Variants in NHERF1 observed in about 807,000 individuals in gnomAD.
NHERF1 encodes the protein NHERF family PDZ scaffold protein 1, also known as Na(+)/H(+) exchange regulatory cofactor NHE-RF1.
At chr17:74,766,451 C>G in the NHERF1 span, among the ~76,000 whole-genome samples, 1 of 152,096 alleles carries the variant, frequency 6.6e-6, no homozygotes, top group Non-Finnish European at 1.5e-5. Flanking sequence ...GATCCAGGTG[C>G]CTCGGCCTCC....
the NHERF1 span, chr17:74,763,157 A>T: frequency 3.7e-6 from 2 of 533,950 alleles, no homozygotes; most frequent in Admixed American, 6.6e-5. Context: ...GGCCCTTCCC[A>T]TGTATCCTGC....
At chr17:74,768,518 T>C in the NHERF1 span, 2 of 1,614,000 alleles carry the variant, frequency 1.2e-6, no homozygotes, top group East Asian at 2.2e-5. Context: ...CGCCCTCGTC[T>C]ACCTCCTCCT....
At chr17:74,754,265 T>C in the NHERF1 span, among the ~76,000 whole-genome samples, 1 of 152,222 alleles carries the variant, frequency 6.6e-6, no homozygotes, top group South Asian at 2.1e-4. Context: ...ATAACAAATG[T>C]TCCTCTGTTT....
the NHERF1 span, chr17:74,763,397 C>T: frequency 1.2e-6 from 2 of 1,614,116 alleles, no homozygotes; most frequent in South Asian, 1.1e-5. Context: ...GGGGAAGCAG[C>T]ATGGGGACGT....
the NHERF1 span, chr17:74,768,583 A>G: frequency 6.2e-7 from 1 of 1,614,060 alleles, no homozygotes; most frequent in East Asian, 2.2e-5. Context: ...GAGAGGGCCC[A>G]CCAGAAACGC....
chr17:74,748,990 C>A, the NHERF1 span: 2 of 1,608,784 alleles, frequency 1.2e-6, no homozygotes, highest in Non-Finnish European at 1.7e-6. This position sits in a 1 kb window ranked among gnomAD's most constrained non-coding sequence, Gnocchi z 4.3. Context: ...GCTCGCCGGC[C>A]GAGAAGGCGG....
chr17:74,762,070 A>C, the NHERF1 span: 2 of 1,613,996 alleles, frequency 1.2e-6, no homozygotes, highest in African/African-American at 1.3e-5. This position sits in a 1 kb window ranked among gnomAD's most constrained non-coding sequence, Gnocchi z 4.2. Flanking sequence ...TATGGCTTCA[A>C]CCTGCACAGC....
chr17:74,763,000 C>T, the NHERF1 span: 2 of 214,198 alleles, frequency 9.3e-6, no homozygotes, highest in Admixed American at 1.1e-4. This position sits in a 1 kb window ranked among gnomAD's most constrained non-coding sequence, Gnocchi z 4.2. Context: ...CAAGACTTCT[C>T]ATTTTACACG....
chr17:74,764,453 T>TA, the NHERF1 span, among the ~76,000 whole-genome samples: 1 of 152,186 alleles, frequency 6.6e-6, no homozygotes, highest in South Asian at 2.1e-4. This position sits in a 1 kb window ranked among gnomAD's most constrained non-coding sequence, Gnocchi z 4.9. Flanking sequence ...GGTACCGCCT[T>TA]ACCCTTATCT....
At chr17:74,754,749 G>T in the NHERF1 span, among the ~76,000 whole-genome samples, 7 of 152,122 alleles carry the variant, frequency 4.6e-5, no homozygotes, top group African/African-American at 7.2e-5. Flanking sequence ...AAAGTGCTGG[G>T]ATTATAGGCA....
At chr17:74,752,059 A>G in the NHERF1 span, among the ~76,000 whole-genome samples, 31 of 152,360 alleles carry the variant, frequency 2.0e-4, no homozygotes, top group South Asian at 6.4e-3. Context: ...GCGCTGGGTC[A>G]GCCTGCCTAG....
the NHERF1 span, chr17:74,763,041 G>A: frequency 2.3e-5 from 6 of 260,740 alleles, no homozygotes; most frequent in African/African-American, 8.9e-5. Context: ...GAAGGAAGTC[G>A]GACAGCAAGT....
At chr17:74,766,971 C>A in the NHERF1 span, 1 of 1,614,006 alleles carries the variant, frequency 6.2e-7, no homozygotes, top group Non-Finnish European at 8.5e-7. Flanking sequence ...TGGGGAGATA[C>A]AGAAGGTAAG....
the NHERF1 span, among the ~76,000 whole-genome samples, chr17:74,766,657 T>G: frequency 6.6e-6 from 1 of 152,152 alleles, no homozygotes; most frequent in Non-Finnish European, 1.5e-5. Context: ...TGCTCACACC[T>G]GTAATCCCAA....
chr17:74,748,820 C>T, the NHERF1 span: 6 of 1,569,198 alleles, frequency 3.8e-6, no homozygotes, highest in South Asian at 3.4e-5. This position sits in a 1 kb window ranked among gnomAD's most constrained non-coding sequence, Gnocchi z 4.3. Flanking sequence ...AACCCCAAGT[C>T]GCGCCGCTGA....
chr17:74,750,519 C>A, the NHERF1 span, among the ~76,000 whole-genome samples: 2 of 152,274 alleles, frequency 1.3e-5, no homozygotes, highest in South Asian at 2.1e-4. Context: ...CCCTGTCCAG[C>A]CAGAGCTGGG....
At chr17:74,749,015 G>T in the NHERF1 span, 2 of 1,608,150 alleles carry the variant, frequency 1.2e-6, no homozygotes, top group Non-Finnish European at 1.7e-6. The surrounding 1 kb of genome is among the most constrained non-coding windows in gnomAD (Gnocchi z 5.6). Flanking sequence ...GCTGGCGGGG[G>T]ACCGGCTGGT....
chr17:74,758,620 T>C, the NHERF1 span, among the ~76,000 whole-genome samples: 1 of 152,172 alleles, frequency 6.6e-6, no homozygotes, highest in Non-Finnish European at 1.5e-5. The surrounding 1 kb of genome is among the most constrained non-coding windows in gnomAD (Gnocchi z 4.3). Context: ...TCACTGGGGC[T>C]ATGTTCCTTT....
At chr17:74,768,246 C>A in the NHERF1 span, 2 of 1,602,894 alleles carry the variant, frequency 1.2e-6, no homozygotes, top group East Asian at 2.2e-5. Context: ...GGTAGGCCAG[C>A]CATGCGGGGG....
Sources: gnomAD v4.1 joint callset for allele counts (sites outside exome capture counted in the v4.1 genomes callset) on GRCh38, gnomAD v4.1.1 for gene constraint, Gnocchi (gnomAD v3.1) non-coding constraint, MANE v1.5 for transcripts, NCBI Gene and HGNC (gene_info 2026-07-23, HGNC 2026-07-21) for gene names.